Variants in OR1J2 observed in about 807,000 individuals in gnomAD.
OR1J2 encodes the protein olfactory receptor 1J2.
For missense variants in OR1J2, 304 were observed against 246.1 expected, an observed-to-expected ratio of 1.24 and a Z score of -1.57; for synonymous variants, 142 against 99.7, an observed-to-expected ratio of 1.42 and a Z score of -2.52.
chr9:122,531,667 A>G, the OR1J2 span, among the ~76,000 whole-genome samples: 6 of 152,228 alleles, frequency 3.9e-5, no homozygotes, highest in African/African-American at 1.4e-4. Flanking sequence ...TTAAAAGACC[A>G]TTAGTCTGTT....
chr9:122,487,285 T>G, the OR1J2 span, among the ~76,000 whole-genome samples: 1 of 152,168 alleles, frequency 6.6e-6, no homozygotes, highest in Non-Finnish European at 1.5e-5. Context: ...ATAGCTGGGA[T>G]GCAGGCCAGA....
the OR1J2 span, among the ~76,000 whole-genome samples, chr9:122,549,941 G>A: frequency 6.6e-6 from 1 of 152,026 alleles, no homozygotes; most frequent in Admixed American, 6.6e-5. Flanking sequence ...TCTATAGATT[G>A]CTTTGGGCAG....
At chr9:122,550,943 C>G in the OR1J2 span, among the ~76,000 whole-genome samples, 264 of 151,768 alleles carry the variant, frequency 1.7e-3, 1 homozygote, top group South Asian at 3.7e-3. Context: ...AAAAGACATC[C>G]AAATTGGAAA....
chr9:122,480,121 G>T, the OR1J2 span, among the ~76,000 whole-genome samples: 1 of 151,952 alleles, frequency 6.6e-6, no homozygotes, highest in Non-Finnish European at 1.5e-5. Flanking sequence ...AAAAGAGAGG[G>T]CAGGGATTCA....
At chr9:122,554,340 G>A in the OR1J2 span, 24 of 567,286 alleles carry the variant, frequency 4.2e-5, no homozygotes, top group African/African-American at 4.3e-4. Context: ...GGAATGAGAT[G>A]TTCTGTCTCA....
chr9:122,567,960 T>G, the OR1J2 span: 1 of 1,614,012 alleles, frequency 6.2e-7, no homozygotes, highest in Non-Finnish European at 8.5e-7. Context: ...GTGGATAACA[T>G]TGGAGTCACA....
the OR1J2 span, among the ~76,000 whole-genome samples, chr9:122,499,725 T>C: frequency 6.6e-6 from 1 of 152,196 alleles, no homozygotes; most frequent in Admixed American, 6.5e-5. Flanking sequence ...AGAGCCTCGC[T>C]GCACCAAGAT....
chr9:122,458,699 T>G, the OR1J2 span, among the ~76,000 whole-genome samples: 7 of 152,130 alleles, frequency 4.6e-5, no homozygotes, highest in Non-Finnish European at 1.0e-4. Context: ...ACCCATGACA[T>G]GTAGGAATTA....
the OR1J2 span, among the ~76,000 whole-genome samples, chr9:122,478,222 A>G: frequency 6.6e-6 from 1 of 152,218 alleles, no homozygotes; most frequent in Non-Finnish European, 1.5e-5. Context: ...ATTGTAAGTG[A>G]TTCAATAGCC....
At chr9:122,513,290 G>A (rs1207832159), downstream of OR1J2, among the ~76,000 whole-genome samples, 1 of 152,196 alleles carries the variant, frequency 6.6e-6, no homozygotes, top group South Asian at 2.1e-4. Flanking sequence ...GGATGGCATT[G>A]GTGATGGCTT....
chr9:122,519,176 C>G, the OR1J2 span: 2 of 1,611,780 alleles, frequency 1.2e-6, no homozygotes, highest in Non-Finnish European at 1.7e-6. Context: ...TGTCTGAGTT[C>G]CTCCTCCTGG....
the OR1J2 span, among the ~76,000 whole-genome samples, chr9:122,570,286 A>C: frequency 3.9e-5 from 6 of 152,110 alleles, no homozygotes; most frequent in Admixed American, 1.3e-4. Flanking sequence ...ACTAGTTTAC[A>C]GTCCCACCAA....
At chr9:122,477,116 T>C in the OR1J2 span, 2 of 1,613,996 alleles carry the variant, frequency 1.2e-6, no homozygotes, top group African/African-American at 2.7e-5. Flanking sequence ...GCAATTATGT[T>C]CTTGTCATTG....
the OR1J2 span, among the ~76,000 whole-genome samples, chr9:122,466,664 A>G: frequency 1.3e-5 from 2 of 152,146 alleles, no homozygotes; most frequent in African/African-American, 4.8e-5. Flanking sequence ...TGGAAGAGAG[A>G]TTGCTGCAAG....
chr9:122,577,241 T>C, the OR1J2 span, among the ~76,000 whole-genome samples: 1 of 152,158 alleles, frequency 6.6e-6, no homozygotes, highest in East Asian at 1.9e-4. Flanking sequence ...AATTTAGTCT[T>C]TCGGTATAAG....
the OR1J2 span, among the ~76,000 whole-genome samples, chr9:122,569,948 C>G: frequency 2.0e-5 from 3 of 149,686 alleles, no homozygotes; most frequent in South Asian, 4.3e-4. Context: ...TTTGTTCTTG[C>G]GATAGTTTAC....
At chr9:122,528,285 A>T in the OR1J2 span, among the ~76,000 whole-genome samples, 1 of 152,198 alleles carries the variant, frequency 6.6e-6, no homozygotes, top group African/African-American at 2.4e-5. Context: ...ATCATAATCA[A>T]GTGAGATGCT....
the OR1J2 span, chr9:122,477,745 A>G: frequency 1.2e-6 from 2 of 1,614,108 alleles, no homozygotes; most frequent in Non-Finnish European, 1.7e-6. Flanking sequence ...GCTAAGGAAG[A>G]AGTACATGGG....
the OR1J2 span, among the ~76,000 whole-genome samples, chr9:122,501,809 G>A: frequency 2.0e-5 from 3 of 152,180 alleles, no homozygotes; most frequent in Non-Finnish European, 2.9e-5. Flanking sequence ...AGGGCAAGTC[G>A]TTTATTTGAG....
Sources: allele counts gnomAD v4.1 joint callset (sites outside exome capture counted in the v4.1 genomes callset), GRCh38; gene constraint gnomAD v4.1.1; transcripts MANE v1.5; gene names NCBI Gene and HGNC (gene_info 2026-07-23, HGNC 2026-07-21).